The following NTRK3 variants were observed in gnomAD, a reference collection of about 807,000 sequenced individuals.
NTRK3 encodes the protein neurotrophic receptor tyrosine kinase 3.
NTRK3 carries 24 observed loss-of-function variants against 91.7 expected under a neutral mutation model. The ratio of observed to expected loss-of-function variants is 0.26; its 90% CI spans 0.19 to 0.37. The LOEUF (loss-of-function observed/expected upper bound fraction) is 0.37. Among genes scored for constraint, NTRK3 ranks in the 10% least tolerant of loss-of-function variants. The pLI, the probability that NTRK3 is intolerant of heterozygous loss-of-function variation, is 1.00. For missense variants in NTRK3, 880 were observed against 1,068.9 expected (o/e 0.82, Z 2.46); for synonymous variants, 483 against 404.0 (o/e 1.20, Z -2.34).
intron 13 of NTRK3, among the ~76,000 whole-genome samples, chr15:88,047,351 C>G (rs2080316291): frequency 6.6e-6 from 1 of 151,872 alleles, no homozygotes; most frequent in African/African-American, 2.4e-5. Context: ...ATTGAACACC[C>G]AAACAGAATA....
At chr15:87,875,700 T>A (rs534759722) in exon 19 of NTRK3, 24 of 232,780 alleles carry the variant, frequency 1.0e-4, no homozygotes, top group African/African-American at 4.6e-4. Flanking sequence ...GATTCTCCCC[T>A]GCTGGCTCTC....
chr15:88,214,410 G>A (rs938828845), intron 3 of NTRK3, among the ~76,000 whole-genome samples: 7 of 152,082 alleles, frequency 4.6e-5, no homozygotes, highest in Non-Finnish European at 8.8e-5. Flanking sequence ...GCGTGTGGCT[G>A]GGTCCACATG....
chr15:87,892,979 A>T lies in NTRK3; in HGVS notation c.2134-12551T>A, dbSNP rs372792276. The stretch of plus-strand genomic sequence containing the variant: ...AAAGGAATGATGTATTTTTAATGTC[A>T]ATATTTACAATATTCTGGAAATGAC... On this transcript the variant is annotated intron_variant, in intron 17 of 18. Transcript: ENST00000394480. Among the ~76,000 whole-genome samples the T allele has an allele frequency of 2.0e-5, 3 of 152,336 alleles. No homozygotes were observed. The South Asian group carries it at 6.2e-4, about 32-fold the overall frequency.
At chr15:87,945,737 C>A (rs989479559) in intron 14 of NTRK3, among the ~76,000 whole-genome samples, 4 of 148,246 alleles carry the variant, frequency 2.7e-5, no homozygotes, top group Non-Finnish European at 4.4e-5. Context: ...CTCAGCCCTG[C>A]GACCAGGGAG....
chr15:88,150,446 G>A (rs1454153303), intron 5 of NTRK3, among the ~76,000 whole-genome samples: 3 of 152,214 alleles, frequency 2.0e-5, no homozygotes, highest in Non-Finnish European at 4.4e-5. Context: ...TCAGAGGAAG[G>A]AGGGGTCCTG....
intron 13 of NTRK3, among the ~76,000 whole-genome samples, chr15:88,041,824 T>TTA (rs1555477948): frequency 2.2e-5 from 2 of 90,244 alleles, no homozygotes; most frequent in Non-Finnish European, 4.1e-5. Flanking sequence ...AAGTCCCTCA[T>TTA]AAAAAAAAAA....
intron 14 of NTRK3, among the ~76,000 whole-genome samples, chr15:87,991,895 G>C (rs1236641074): frequency 6.6e-6 from 1 of 151,418 alleles, no homozygotes; most frequent in African/African-American, 2.4e-5. Flanking sequence ...GGATATCTTT[G>C]TCTATCTCCC....
chr15:88,075,848 G>A (rs1367727882), intron 13 of NTRK3, among the ~76,000 whole-genome samples: 1 of 152,182 alleles, frequency 6.6e-6, no homozygotes, highest in Non-Finnish European at 1.5e-5. Context: ...TGTGCCTGGG[G>A]ACAAATTATT....
At chr15:87,922,832 A>G (rs1218535541) in intron 17 of NTRK3, among the ~76,000 whole-genome samples, 2 of 152,160 alleles carry the variant, frequency 1.3e-5, no homozygotes, top group Non-Finnish European at 2.9e-5. Context: ...TTTCTTATCT[A>G]TTAACTTACA....
At chr15:87,919,693 A>G (rs890074945) in intron 17 of NTRK3, among the ~76,000 whole-genome samples, 6 of 152,238 alleles carry the variant, frequency 3.9e-5, no homozygotes, top group Non-Finnish European at 8.8e-5. Flanking sequence ...ACCAGGGTGA[A>G]TCTTGGACAA....
intron 14 of NTRK3, among the ~76,000 whole-genome samples, chr15:87,964,751 T>C (rs886862576): frequency 2.0e-5 from 3 of 152,206 alleles, no homozygotes; most frequent in African/African-American, 4.8e-5. Context: ...AAATGGGATG[T>C]TTTGTGTCCA....
chr15:88,252,814 G>C (rs578216643), intron 3 of NTRK3: 1 of 152,330 alleles, frequency 6.6e-6, no homozygotes, highest in Non-Finnish European at 1.5e-5. Flanking sequence ...CGTGGCTCTG[G>C]TGAGGGGTGG....
intron 14 of NTRK3, among the ~76,000 whole-genome samples, chr15:87,947,175 G>A (rs938457536): frequency 3.9e-5 from 6 of 152,088 alleles, no homozygotes; most frequent in South Asian, 4.2e-4. Context: ...CACCGTGCCC[G>A]GCCCTACAAG....
At chr15:87,934,374 G>T (rs139805385) in intron 15 of NTRK3, among the ~76,000 whole-genome samples, 70 of 152,302 alleles carry the variant, frequency 4.6e-4, no homozygotes, top group African/African-American at 1.5e-3. Context: ...TCAGGGGAGT[G>T]ACAATCTAGA....
intron 13 of NTRK3, among the ~76,000 whole-genome samples, chr15:88,048,820 A>C (rs966287386): frequency 7.9e-5 from 12 of 152,358 alleles, no homozygotes; most frequent in Admixed American, 1.3e-4. Context: ...CTGGAAGGCA[A>C]GAGCAACAGA....
At chr15:87,883,020 C>G (rs2065336673) in intron 17 of NTRK3, among the ~76,000 whole-genome samples, 1 of 151,214 alleles carries the variant, frequency 6.6e-6, no homozygotes, top group African/African-American at 2.4e-5. Flanking sequence ...AACAAAATGG[C>G]AGAAAACATT....
intron 14 of NTRK3, among the ~76,000 whole-genome samples, chr15:87,950,562 A>T (rs997964696): frequency 6.6e-6 from 1 of 152,334 alleles, no homozygotes; most frequent in Middle Eastern, 3.4e-3. Context: ...ATGAGACAGA[A>T]CTGGGTATAA....
intron 14 of NTRK3, among the ~76,000 whole-genome samples, chr15:88,029,172 T>C (rs2078303847): frequency 6.6e-6 from 1 of 152,228 alleles, no homozygotes; most frequent in Admixed American, 6.5e-5. Flanking sequence ...TTATTAGGCT[T>C]TGGGTTCTGT....
chr15:87,913,273 C>A (rs528629781), intron 17 of NTRK3, among the ~76,000 whole-genome samples: 1 of 151,956 alleles, frequency 6.6e-6, no homozygotes, highest in Non-Finnish European at 1.5e-5. Context: ...CTGGCAAACC[C>A]CTTTCTCTGA....
Sources: allele counts gnomAD v4.1 joint callset (sites outside exome capture counted in the v4.1 genomes callset), GRCh38; gene constraint gnomAD v4.1.1; transcripts MANE v1.5; gene names NCBI Gene and HGNC (gene_info 2026-07-23, HGNC 2026-07-21).